The following PSG6 variants were observed in gnomAD, a reference collection of about 807,000 sequenced individuals.
PSG6 encodes pregnancy specific beta-1-glycoprotein 6, also known as pregnancy-specific beta-1-glycoprotein 6.
A neutral mutation model predicts 43.3 loss-of-function variants in PSG6; 51 were observed. The ratio of observed to expected loss-of-function variants is 1.18; its 90% CI spans 0.94 to 1.49. The LOEUF (loss-of-function observed/expected upper bound fraction) is 1.49, where lower values mean the gene tolerates loss of function less well. PSG6 is among the 40% of genes most tolerant of loss of function. The pLI, the probability that PSG6 is intolerant of heterozygous loss-of-function variation, is 0.00. For missense variants in PSG6, 770 were observed against 522.2 expected, an observed-to-expected ratio of 1.47 and a Z score of -4.62; for synonymous variants, 292 against 197.6, an observed-to-expected ratio of 1.48 and a Z score of -4.01.
intron 5 of PSG6, among the ~76,000 whole-genome samples, chr19:42,905,356 G>A (rs778962589): frequency 3.3e-5 from 5 of 151,612 alleles, no homozygotes; most frequent in Non-Finnish European, 7.4e-5. Flanking sequence ...AAACCACAAT[G>A]TTACAACACC....
At chr19:42,906,317 C>T (rs1160136455) in intron 5 of PSG6, among the ~76,000 whole-genome samples, 3 of 151,542 alleles carry the variant, frequency 2.0e-5, no homozygotes, top group African/African-American at 7.3e-5. Flanking sequence ...GGAGGCTTGG[C>T]TTCAACTGGC....
At chr19:42,902,533 G>C in intron 5 of PSG6, 87 bp from the exon 6 acceptor site, 2 of 1,556,534 alleles carry the variant, frequency 1.3e-6, no homozygotes, top group Non-Finnish European at 1.8e-6. Flanking sequence ...CTCCCAGCAA[G>C]GGTGTGAAAG....
At chr19:42,903,765 C>T (rs1208390474) in intron 5 of PSG6, 3 of 1,500,880 alleles carry the variant, frequency 2.0e-6, no homozygotes, top group East Asian at 2.5e-5. Context: ...TGTTGACATG[C>T]ACCTGTAGTC....
intron 2 of PSG6, 32 bp downstream of exon 2, chr19:42,916,093 C>T (rs775915302): frequency 3.1e-6 from 5 of 1,606,996 alleles, no homozygotes; most frequent in Admixed American, 1.7e-5. Flanking sequence ...CCCCTGCCCC[C>T]CAACACCCAG....
At chr19:42,906,608 C>G (rs1384707905) in intron 5 of PSG6, 2 of 1,352,444 alleles carry the variant, frequency 1.5e-6, no homozygotes, top group Non-Finnish European at 2.0e-6. Context: ...TTCGTGACAG[C>G]GAGAAGCAAC....
rs368139572 is a variant in PSG6 at position 42,903,787 on chromosome 19, G to A, written c.1241-1341C>T. 2,118 of 1,457,080 alleles carry A rather than the reference G, an allele frequency of 1.5e-3. 65 individuals are homozygous for A. The African/African-American group carries it at 0.028, about 19-fold the overall frequency. The allele number at this position is 1,457,080 out of a possible 1,614,324, so 90.3% of individuals were successfully genotyped here. On this transcript the variant is annotated intron_variant, in intron 5 of 5. Coordinates refer to ENST00000187910, the MANE Select transcript of PSG6 (RefSeq NM_001031850.4). ...ATGCACCTGTAGTCCTAGCATCTTG[G>A]GAGGCTGAAGAAGGAGAATTGCTTG...
At chr19:42,914,530 AG>A (rs1342893820) in intron 2 of PSG6, among the ~76,000 whole-genome samples, 7 of 147,440 alleles carry the variant, frequency 4.7e-5, no homozygotes, top group African/African-American at 1.8e-4. Flanking sequence ...TCCACAGTCC[AG>A]GACCAAAGAG....
rs757632464 is a variant in PSG6 at position 42,902,458 on chromosome 19, AAGG to A, written c.1241-15_1241-13del. 15 of 1,610,686 alleles carry A rather than the reference AAGG, an allele frequency of 9.3e-6. No individual in the cohort carries two copies. The highest frequency in any genetic ancestry group is 1.2e-5 in the Non-Finnish European group (14 of 1,178,176). ...TCCATGGCAGGGACCTGATTGACAGAAGGCCCAGGTCAGCGCATTTCAAATTCA... is the reference window on the plus strand; with the variant it reads ...TCCATGGCAGGGACCTGATTGACAGACCCAGGTCAGCGCATTTCAAATTCA... On this transcript the variant is annotated splice_polypyrimidine_tract_variant and intron_variant, in intron 5 of 5. Coordinates refer to ENST00000187910, the MANE Select transcript of PSG6 (RefSeq NM_001031850.4).
At chr19:42,914,993 C>G (rs1306661458) in intron 2 of PSG6, among the ~76,000 whole-genome samples, 4 of 151,592 alleles carry the variant, frequency 2.6e-5, no homozygotes, top group Non-Finnish European at 4.4e-5. Context: ...ACAGACTAAT[C>G]AGCTGACCAT....
intron 5 of PSG6, among the ~76,000 whole-genome samples, chr19:42,903,304 G>A (rs933185618): frequency 6.6e-6 from 1 of 151,602 alleles, no homozygotes; most frequent in Non-Finnish European, 1.5e-5. Context: ...GTTGAGTCTT[G>A]TGCAAGAAAT....
intron 5 of PSG6, 88 bp from the exon 6 acceptor site, chr19:42,902,534 G>A: frequency 6.4e-7 from 1 of 1,554,904 alleles, no homozygotes; most frequent in African/African-American, 1.4e-5. Flanking sequence ...TCCCAGCAAG[G>A]GTGTGAAAGC....
Position 42,916,410 on chromosome 19 carries a change from C to T in PSG6, c.142G>A (p.Gly48Arg), listed in dbSNP as rs752396493. The change falls in exon 2 of 6, where the codon GGG becomes AGG. Residue 48 changes from glycine (G) to arginine (R), a missense_variant. Coordinates refer to ENST00000187910, the MANE Select transcript of PSG6 (RefSeq NM_001031850.4). The stretch of plus-strand genomic sequence containing the variant: ...TGGACAAGTAGAAGAACATCCTTCC[C>T]CTCGGAAACTTTGGGTGGCTTGGCT... ...IEAKPPKVSE[G>R]KDVLLLVHNL... The T allele has an allele frequency of 5.5e-5, 88 of 1,611,934 alleles. 3 individuals carry two copies. In the Middle Eastern group the frequency reaches 9.9e-4, roughly 18 times the overall value.
chr19:42,915,936 G>A, intron 2 of PSG6, 189 bp downstream of exon 2: 1 of 914,076 alleles, frequency 1.1e-6, no homozygotes, highest in Non-Finnish European at 1.6e-6. Context: ...GGGTCTGGAT[G>A]CGGGAAAGGA....
chr19:42,916,429 C>T lies in PSG6; in HGVS notation c.123G>A (p.Lys41=), dbSNP rs747296917. Residue 41 remains lysine (K), a synonymous_variant, in exon 2 of 6, where the codon AAG becomes AAA. Coordinates refer to ENST00000187910, the MANE Select transcript of PSG6 (RefSeq NM_001031850.4). Reference sequence around the variant, plus strand: ...CCTTCCCCTCGGAAACTTTGGGTGGCTTGGCTTCAATTATTACTTGGGCAG... The same window carrying T: ...CCTTCCCCTCGGAAACTTTGGGTGGTTTGGCTTCAATTATTACTTGGGCAG... The part of the protein sequence containing the change: ...PTTAQVIIEA[K]PPKVSEGKDV... 2.5e-6 allele frequency: 4 copies of T among 1,611,834 alleles called. No homozygotes were observed. Among genetic ancestry groups the T allele is most frequent in the African/African-American group, 2.7e-5 (2 of 74,612 alleles).
intron 2 of PSG6, among the ~76,000 whole-genome samples, chr19:42,911,745 G>A (rs530985644): frequency 5.3e-5 from 8 of 151,866 alleles, no homozygotes; most frequent in Non-Finnish European, 1.0e-4. Context: ...TATGTGTTTG[G>A]TGGATATTAG....
chr19:42,917,360 A>ATT (rs1442399314), intron 1 of PSG6, among the ~76,000 whole-genome samples: 2 of 114,528 alleles, frequency 1.7e-5, no homozygotes, highest in African/African-American at 7.1e-5. Flanking sequence ...TCTTCTTTTT[A>ATT]TTCTTTTTTT....
At chr19:42,913,635 A>G (rs1972268959) in intron 2 of PSG6, among the ~76,000 whole-genome samples, 1 of 151,774 alleles carries the variant, frequency 6.6e-6, no homozygotes, top group South Asian at 2.1e-4. Flanking sequence ...GGGTGAAATG[A>G]GCCTATGGGC....
In PSG6 at chr19:42,907,467, A is replaced by G; in HGVS notation, c.985+109T>C. On this transcript the variant is annotated intron_variant, in intron 4 of 5. Transcript: ENST00000187910. ...GGAGTCATGGCCAGGTCTGATGTCCAGAAGTAAAGTTGTCTATACTTGGAC... is the reference window on the plus strand; with the variant it reads ...GGAGTCATGGCCAGGTCTGATGTCCGGAAGTAAAGTTGTCTATACTTGGAC... 4 of 1,554,486 alleles carry G rather than the reference A, an allele frequency of 2.6e-6. No individual in the cohort carries two copies. In the South Asian group the frequency reaches 3.8e-5, roughly 15 times the overall value.
At chr19:42,903,902 T>A (rs1972073723) in intron 5 of PSG6, among the ~76,000 whole-genome samples, 1 of 151,300 alleles carries the variant, frequency 6.6e-6, no homozygotes, top group Admixed American at 6.6e-5. Context: ...TGTCTCTCTG[T>A]CTTAAAAGAA....
Sources: allele counts gnomAD v4.1 joint callset (sites outside exome capture counted in the v4.1 genomes callset), GRCh38; gene constraint gnomAD v4.1.1; transcripts MANE v1.5; gene names NCBI Gene and HGNC (gene_info 2026-07-23, HGNC 2026-07-21).